SNX27: variants seen among roughly 807,000 people sequenced by gnomAD.
SNX27 encodes sorting nexin-27.
In SNX27, 22 loss-of-function variants were observed where a neutral mutation model predicts 71.6. That is an observed-to-expected ratio of 0.31 (90% CI 0.22 to 0.44). The LOEUF is 0.44. Among genes scored for constraint, SNX27 ranks in the 20% least tolerant of loss-of-function variants. SNX27 has a pLI of 1.00. For synonymous variants in SNX27, 269 were observed against 277.2 expected, an observed-to-expected ratio of 0.97 and a Z score of 0.29; for missense variants, 531 against 698.6, an observed-to-expected ratio of 0.76 and a Z score of 2.70.
intron 1 of SNX27, among the ~76,000 whole-genome samples, chr1:151,627,225 C>T (rs1328930897): frequency 2.0e-5 from 3 of 152,202 alleles, no homozygotes; most frequent in African/African-American, 4.8e-5. Context: ...GCTGATCTTC[C>T]GTGAATTTCC....
intron 2 of SNX27, among the ~76,000 whole-genome samples, chr1:151,651,775 A>C (rs896978876): frequency 1.3e-5 from 2 of 149,776 alleles, no homozygotes; most frequent in Admixed American, 1.3e-4. Flanking sequence ...CCAGGCAGAG[A>C]CGCTCCTCAC....
chr1:151,661,428 G>C (rs949108877), intron 4 of SNX27: 1 of 152,582 alleles, frequency 6.6e-6, no homozygotes, highest in African/African-American at 2.4e-5. Context: ...TTACAGGCAA[G>C]GGCTTACAAT....
In SNX27 at chr1:151,662,229, G is replaced by A; in HGVS notation, c.865G>A (p.Val289Ile). ...VALPDGTTVT[V>I]RVKKNSTTDQ... ...ATTACCAGATGGAACAACGGTTACA[G>A]TCAGGGTTAAAAAGAACAGTACTAC... Residue 289 changes from valine to isoleucine, a missense_variant, in exon 5 of 12, where the codon GTC becomes ATC. Around this residue, in one of 5 missense-constraint regions of SNX27, gnomAD observed 184 missense variants for 289.6 expected, o/e 0.64. Coordinates refer to ENST00000458013, the MANE Select transcript of SNX27 (RefSeq NM_001330723.2). 1 of 1,613,692 alleles carries A rather than the reference G, an allele frequency of 6.2e-7. No homozygotes were observed. Among genetic ancestry groups the A allele is most frequent in the Non-Finnish European group, 8.5e-7 (1 of 1,179,692 alleles).
chr1:151,679,828 A>T (rs1351444193), intron 7 of SNX27: 1 of 152,164 alleles, frequency 6.6e-6, no homozygotes, highest in Non-Finnish European at 1.5e-5. Flanking sequence ...GGGTGCTACA[A>T]GAGAGTTAAA....
chr1:151,636,011 C>G (rs1668442452), intron 1 of SNX27, among the ~76,000 whole-genome samples: 1 of 152,034 alleles, frequency 6.6e-6, no homozygotes, highest in African/African-American at 2.4e-5. Context: ...AGCAATAGTT[C>G]TGAATCTTTT....
chr1:151,658,965 C>T (rs1460063032), intron 3 of SNX27, among the ~76,000 whole-genome samples: 1 of 152,026 alleles, frequency 6.6e-6, no homozygotes, highest in African/African-American at 2.4e-5. Flanking sequence ...ATTACATGGA[C>T]CTTTATTTTT....
At chr1:151,635,903 T>G (rs1668437940) in intron 1 of SNX27, among the ~76,000 whole-genome samples, 1 of 152,196 alleles carries the variant, frequency 6.6e-6, no homozygotes, top group Non-Finnish European at 1.5e-5. Flanking sequence ...AAGTCTCACT[T>G]AAGTTTCTCT....
intron 3 of SNX27, 157 bp from the exon 4 acceptor site, chr1:151,660,641 A>C (rs528372685): frequency 1.7e-6 from 1 of 599,340 alleles, no homozygotes; most frequent in East Asian, 2.8e-5. Context: ...ATGCCTTAAA[A>C]TCTTATATAC....
At chr1:151,693,715 C>A in intron 11 of SNX27, 1 of 1,604,710 alleles carries the variant, frequency 6.2e-7, no homozygotes, top group Non-Finnish European at 8.5e-7. Context: ...AGAGGGTGGA[C>A]ATTGGCTACA....
chr1:151,683,324 T>A (rs1571868338), intron 7 of SNX27, 32 bp from the exon 8 acceptor site: 4 of 1,539,946 alleles, frequency 2.6e-6, no homozygotes, highest in Middle Eastern at 1.7e-4. Flanking sequence ...ATTTTTACAC[T>A]CCTTTCTGCT....
At chr1:151,660,601 G>A in intron 3 of SNX27, 197 bp from the exon 4 acceptor site, 1 of 540,734 alleles carries the variant, frequency 1.8e-6, no homozygotes, top group Non-Finnish European at 3.3e-6. Context: ...TTATTTCTTT[G>A]TTCTGATCAT....
chr1:151,661,751 T>C (rs1189130020), intron 4 of SNX27, among the ~76,000 whole-genome samples: 1 of 152,218 alleles, frequency 6.6e-6, no homozygotes, highest in Non-Finnish European at 1.5e-5. Context: ...GAAAGAAACT[T>C]AGTATATCTC....
At chr1:151,638,427 A>G (rs1668569184) in intron 1 of SNX27, among the ~76,000 whole-genome samples, 1 of 152,252 alleles carries the variant, frequency 6.6e-6, no homozygotes, top group Non-Finnish European at 1.5e-5. Flanking sequence ...CTATTTACAA[A>G]TTAAGAGAAT....
At chr1:151,690,420 A>ACTAT (rs1407642886) in intron 8 of SNX27, among the ~76,000 whole-genome samples, 1 of 152,076 alleles carries the variant, frequency 6.6e-6, no homozygotes, top group Non-Finnish European at 1.5e-5. Context: ...ATGGCTGAGT[A>ACTAT]CTATGTTAAA....
intron 4 of SNX27, chr1:151,661,413 ATT>A (rs1158344837): frequency 5.9e-5 from 9 of 152,700 alleles, no homozygotes; most frequent in African/African-American, 2.2e-4. Context: ...TAGATTATAA[ATT>A]TCTTACAGGC....
Position 151,696,253 on chromosome 1 carries a change from G to C in SNX27, c.*1836G>C, listed in dbSNP as rs1671699804. ...GTAGATAATGCATAAGAAGCACCAA[G>C]TCAGGCTCAGATGCAACTAAAACAC... On this transcript the variant is annotated 3_prime_UTR_variant, in exon 12 of 12. Coordinates refer to ENST00000458013, the MANE Select transcript of SNX27 (RefSeq NM_001330723.2). 1 of 152,166 alleles carries C rather than the reference G, an allele frequency of 6.6e-6. No homozygotes were observed. Among genetic ancestry groups the C allele is most frequent in the Non-Finnish European group, 1.5e-5 (1 of 68,016 alleles). The allele number at this position is 152,166 out of a possible 1,614,324, so 9.4% of individuals were successfully genotyped here.
chr1:151,691,676 A>G (rs1164500121), intron 8 of SNX27, among the ~76,000 whole-genome samples: 1 of 151,730 alleles, frequency 6.6e-6, no homozygotes, highest in African/African-American at 2.4e-5. Flanking sequence ...GCAGTGAGAC[A>G]TGGTCATGCC....
intron 2 of SNX27, among the ~76,000 whole-genome samples, chr1:151,642,752 C>T (rs1366086250): frequency 6.6e-6 from 1 of 151,968 alleles, no homozygotes; most frequent in Non-Finnish European, 1.5e-5. Context: ...CATTCTCCTG[C>T]CTCAGTCTCC....
chr1:151,654,493 C>T (rs1669583082), intron 2 of SNX27, among the ~76,000 whole-genome samples: 1 of 152,022 alleles, frequency 6.6e-6, no homozygotes, highest in Non-Finnish European at 1.5e-5. Context: ...TGCCTCTCCC[C>T]AGGGGTATAG....
Sources: allele counts gnomAD v4.1 joint callset (sites outside exome capture counted in the v4.1 genomes callset), GRCh38; gene constraint gnomAD v4.1.1; regional missense constraint gnomAD v4.1.1; transcripts MANE v1.5; gene names NCBI Gene and HGNC (gene_info 2026-07-23, HGNC 2026-07-21).